SCHIP1: variants seen among roughly 807,000 people sequenced by gnomAD.
SCHIP1 encodes the protein schwannomin interacting protein 1, also known as schwannomin-interacting protein 1.
A neutral mutation model predicts 29.7 loss-of-function variants in SCHIP1; 8 were observed. That is an observed-to-expected ratio of 0.27 (90% confidence interval 0.16 to 0.49). The LOEUF is 0.49. Ranked by LOEUF, SCHIP1 falls within the 20% of genes least tolerant of loss-of-function variation. The probability of loss-of-function intolerance (pLI) is 0.99; values close to 1 mark genes in which losing one functional copy is unlikely to be tolerated. For synonymous variants in SCHIP1, 76 were observed against 94.9 expected (o/e 0.80, Z 1.16); for missense variants, 193 against 294.6 (o/e 0.66, Z 2.52).
chr3:159,553,566 A>C, the SCHIP1 span, among the ~76,000 whole-genome samples: 1 of 152,218 alleles, frequency 6.6e-6, no homozygotes, highest in Non-Finnish European at 1.5e-5. Flanking sequence ...TGTTTTACTT[A>C]AACTCTTTTC....
chr3:159,741,650 C>A, the SCHIP1 span, among the ~76,000 whole-genome samples: 1 of 152,298 alleles, frequency 6.6e-6, no homozygotes, highest in Middle Eastern at 3.4e-3. Context: ...ATTAGAATTG[C>A]TAAAGAACAT....
At chr3:159,760,622 G>A in the SCHIP1 span, among the ~76,000 whole-genome samples, 1 of 152,136 alleles carries the variant, frequency 6.6e-6, no homozygotes, top group African/African-American at 2.4e-5. Context: ...ACAAATACCT[G>A]TTAAGCTCCT....
chr3:159,417,959 A>C, the SCHIP1 span, among the ~76,000 whole-genome samples: 1 of 152,136 alleles, frequency 6.6e-6, no homozygotes, highest in South Asian at 2.1e-4. Context: ...TGCCAACAAC[A>C]TTCAGATATA....
intron 1 of SCHIP1, among the ~76,000 whole-genome samples, chr3:159,859,919 T>TC (rs1202630613): frequency 2.0e-5 from 3 of 152,282 alleles, no homozygotes; most frequent in East Asian, 3.9e-4. Context: ...CTCCAGGTAA[T>TC]CCTCTTGCAC....
the SCHIP1 span, among the ~76,000 whole-genome samples, chr3:159,666,048 T>C: frequency 1.3e-5 from 2 of 152,166 alleles, no homozygotes; most frequent in African/African-American, 4.8e-5. Context: ...TACGTTTACC[T>C]GGGAAAAGGA....
the SCHIP1 span, among the ~76,000 whole-genome samples, chr3:159,658,900 G>A: frequency 6.6e-6 from 1 of 152,152 alleles, no homozygotes; most frequent in African/African-American, 2.4e-5. Context: ...AAACCTCGGA[G>A]TCATTCTCAA....
chr3:159,674,299 G>T, the SCHIP1 span, among the ~76,000 whole-genome samples: 2 of 152,132 alleles, frequency 1.3e-5, no homozygotes, highest in East Asian at 3.8e-4. Flanking sequence ...GGCTAGAAGG[G>T]TCAGGGAGAG....
the SCHIP1 span, among the ~76,000 whole-genome samples, chr3:159,785,997 A>G: frequency 3.9e-5 from 6 of 152,222 alleles, no homozygotes; most frequent in African/African-American, 9.6e-5. Context: ...GTTGTTTTAA[A>G]CATCTATTTA....
chr3:159,840,073 C>CCCCT (rs1363612312), exon 1 of SCHIP1: 1 of 1,516,846 alleles, frequency 6.6e-7, no homozygotes, highest in East Asian at 2.5e-5. Flanking sequence ...CTGCGGGGAG[C>CCCCT]CCCTGCCTTA....
At chr3:159,393,318 T>C in the SCHIP1 span, among the ~76,000 whole-genome samples, 2 of 152,204 alleles carry the variant, frequency 1.3e-5, no homozygotes, top group South Asian at 4.1e-4. Context: ...TTTAGTTTAA[T>C]TAGATCCCAT....
chr3:159,626,134 A>ATC, the SCHIP1 span, among the ~76,000 whole-genome samples: 21 of 120,190 alleles, frequency 1.7e-4, 1 homozygote, highest in African/African-American at 6.4e-4. Context: ...AGATAGATAG[A>ATC]TAGATATATC....
At chr3:159,363,265 A>C in the SCHIP1 span, among the ~76,000 whole-genome samples, 1 of 104,672 alleles carries the variant, frequency 9.6e-6, no homozygotes, top group Non-Finnish European at 2.2e-5. Context: ...GCATTTTAAT[A>C]AGTAATAGTT....
the SCHIP1 span, among the ~76,000 whole-genome samples, chr3:159,551,339 C>A: frequency 6.6e-6 from 1 of 152,262 alleles, no homozygotes; most frequent in South Asian, 2.1e-4. Context: ...ATAATATGCA[C>A]CACACCAAAT....
the SCHIP1 span, among the ~76,000 whole-genome samples, chr3:159,629,572 T>G: frequency 6.6e-6 from 1 of 152,170 alleles, no homozygotes; most frequent in Non-Finnish European, 1.5e-5. Flanking sequence ...TGAAAGTGAC[T>G]TGTTGCAGGA....
the SCHIP1 span, among the ~76,000 whole-genome samples, chr3:159,727,503 C>T: frequency 3.3e-5 from 5 of 152,084 alleles, no homozygotes; most frequent in African/African-American, 1.2e-4. Context: ...TGCATAAACT[C>T]GCAAGGGTTG....
chr3:159,327,627 G>T, the SCHIP1 span, among the ~76,000 whole-genome samples: 1 of 152,124 alleles, frequency 6.6e-6, no homozygotes, highest in Non-Finnish European at 1.5e-5. Flanking sequence ...TTGCTAGCAA[G>T]CCCACTGTTT....
At chr3:159,698,836 G>T in the SCHIP1 span, among the ~76,000 whole-genome samples, 1 of 151,910 alleles carries the variant, frequency 6.6e-6, no homozygotes, top group African/African-American at 2.4e-5. Context: ...GGTAGAGACG[G>T]GGTTGCTCCA....
the SCHIP1 span, among the ~76,000 whole-genome samples, chr3:159,279,656 G>A: frequency 6.7e-6 from 1 of 149,344 alleles, no homozygotes; most frequent in Admixed American, 6.7e-5. Flanking sequence ...TAATTTTACT[G>A]CAGCCTTGAC....
chr3:159,741,149 A>G, the SCHIP1 span, among the ~76,000 whole-genome samples: 7 of 152,180 alleles, frequency 4.6e-5, no homozygotes, highest in African/African-American at 1.7e-4. Context: ...CACTCATTAG[A>G]TGTTCAATAA....
Sources: allele counts gnomAD v4.1 joint callset (sites outside exome capture counted in the v4.1 genomes callset), GRCh38; gene constraint gnomAD v4.1.1; transcripts MANE v1.5; gene names NCBI Gene and HGNC (gene_info 2026-07-23, HGNC 2026-07-21).